Variants in KLHDC7B observed in about 807,000 individuals in gnomAD.
KLHDC7B encodes kelch domain containing 7B.
Under a neutral mutation model 0.6 loss-of-function variants are expected in KLHDC7B, and 1 was observed. That is an observed-to-expected ratio of 1.71 (90% CI 0.61 to 8.11). The LOEUF (loss-of-function observed/expected upper bound fraction) is 8.11. Among genes scored for constraint, KLHDC7B ranks in the 30% most tolerant of loss-of-function variants. The probability of loss-of-function intolerance (pLI) is 0.13; values close to 1 mark genes in which losing one functional copy is unlikely to be tolerated. For synonymous variants in KLHDC7B, 462 were observed against 405.2 expected (o/e 1.14, Z -1.68); for missense variants, 993 against 894.9 (o/e 1.11, Z -1.40).
Position 50,550,386 on chromosome 22 carries a change from G to A in KLHDC7B, c.*435G>A, listed in dbSNP as rs1026085999. ...GGGAGCAAAAACGTCCCCAGGCAAC[G>A]CCCTCGCCTCTGGGACTTTCTGCCT... On this transcript the variant is annotated 3_prime_UTR_variant, in exon 1 of 1. Coordinates refer to ENST00000648057, the MANE Select transcript of KLHDC7B (RefSeq NM_138433.5). The A allele has an allele frequency of 2.8e-5, 5 of 180,810 alleles. No homozygotes were observed. Among genetic ancestry groups the A allele is most frequent in the African/African-American group, 7.1e-5 (3 of 41,978 alleles). 11.2% of individuals were successfully genotyped at this position (180,810 alleles called of 1,614,324 possible). A position where few individuals can be genotyped will look rare whatever the true frequency, so the allele number is the denominator to read the frequency against.
Position 50,546,937 on chromosome 22 carries a change from C to G in KLHDC7B, c.694C>G (p.Arg232Gly), listed in dbSNP as rs1164761944. 1.3e-5 allele frequency among the ~76,000 whole-genome samples: 2 copies of G among 151,826 alleles called. No homozygotes were observed. Among genetic ancestry groups the G allele is most frequent in the African/African-American group, 4.8e-5 (2 of 41,370 alleles). The change falls in exon 1 of 1, where the codon CGG becomes GGG. Residue 232 changes from arginine to glycine, a missense_variant. Physicochemically the swap from Arg to Gly is moderately radical, Grantham distance 125 (BLOSUM62 -2). Coordinates refer to ENST00000648057, the MANE Select transcript of KLHDC7B (RefSeq NM_138433.5). The stretch of plus-strand genomic sequence containing the variant: ...GATGGGGAGAGGCCGGGGCCGGCGG[C>G]GGCGGATGGACGCTGGCTCGGGAGA... ...GSMGRGRGRRRRMDAGSGDRA... is the reference protein window; with the variant it reads ...GSMGRGRGRRGRMDAGSGDRA...
At position 50,547,420 on chromosome 22, in the gene KLHDC7B, C is replaced by A. The variant is rs926308530; in HGVS notation, c.1177C>A (p.Arg393=). 6.8e-5 allele frequency: 25 copies of A among 366,564 alleles called. No homozygotes were observed. The highest frequency in any genetic ancestry group is 4.0e-4 in the African/African-American group (19 of 47,140). 22.7% of individuals were successfully genotyped at this position (366,564 alleles called of 1,614,324 possible). ...TCCTGCCGCTGACCTGGGGCCCACC[C>A]GGCCCCCGGAGCAAGCAAAGCCGGC... ...NSPAADLGPT[R]PPEQAKPAAA... is the part of the protein sequence containing the mutation. The change falls in exon 1 of 1, where the codon CGG becomes AGG. Residue 393 remains arginine (R), a synonymous_variant. Transcript: ENST00000648057.
In KLHDC7B at chr22:50,548,211, A is replaced by G. The variant is rs1301338993; in HGVS notation, c.1968A>G (p.Gln656=). The change falls in exon 1 of 1, where the codon CAA becomes CAG. Residue 656 remains glutamine, a synonymous_variant. Coordinates refer to ENST00000648057, the MANE Select transcript of KLHDC7B (RefSeq NM_138433.5). This position sits in a 1 kb window ranked among gnomAD's most constrained non-coding sequence, Gnocchi z 5.3. ...SHPFPRQDRP[Q]GSVPRAVPGS... is the part of the protein sequence containing the mutation. The stretch of plus-strand genomic sequence containing the variant: ...CCTTCCCCAGGCAAGACAGGCCCCA[A>G]GGGAGTGTCCCGAGGGCGGTTCCCG... The G allele has an allele frequency of 8.4e-6, 13 of 1,547,606 alleles. No homozygotes were observed. The highest frequency in any genetic ancestry group is 2.5e-5 in the East Asian group (1 of 40,802).
Position 50,549,266 on chromosome 22 carries a change from C to A in KLHDC7B, c.3023C>A (p.Ala1008Asp). 1.2e-6 allele frequency: 2 copies of A among 1,611,248 alleles called. No homozygotes were observed. The highest frequency in any genetic ancestry group is 1.7e-6 in the Non-Finnish European group (2 of 1,179,964). ...FLAGGIRGSG[A>D]KAVCSNEVFC... ...GCGGGGGGCATCCGTGGCTCCGGTG[C>A]CAAGGCCGTCTGCTCCAACGAGGTC... Residue 1008 changes from alanine (A) to aspartate (D), a missense_variant, in exon 1 of 1, where the codon GCC becomes GAC. By Grantham distance (126) the Ala-to-Asp change is moderately radical. Transcript: ENST00000648057.
chr22:50,549,810 C>T lies in KLHDC7B; in HGVS notation c.3567C>T (p.Val1189=), dbSNP rs2069786916. The stretch of plus-strand genomic sequence containing the variant: ...CCATTTACTGCCTCAACCCCCAGGT[C>T]ACTGCCACCTTCACGGTCTCTGGGG... The part of the protein sequence containing the change: ...GNTIYCLNPQ[V]TATFTVSGGT... The change falls in exon 1 of 1, where the codon GTC becomes GTT. Residue 1189 remains valine (V), a synonymous_variant. Transcript: ENST00000648057. 1 of 1,594,298 alleles carries T rather than the reference C, an allele frequency of 6.3e-7. No homozygotes were observed. Among genetic ancestry groups the T allele is most frequent in the Non-Finnish European group, 8.5e-7 (1 of 1,171,686 alleles).
In KLHDC7B at chr22:50,546,393, C is replaced by T. The variant is rs1036799583; in HGVS notation, c.150C>T (p.His50=). 43 of 399,226 alleles carry T rather than the reference C, an allele frequency of 1.1e-4. 1 individual carries two copies. The Admixed American group carries it at 1.8e-3, about 16-fold the overall frequency. The allele number at this position is 399,226 out of a possible 1,614,324, so 24.7% of individuals were successfully genotyped here. ...CCTTACACTGGTTTGGCTCCGGGCA[C>T]GATCAAGAGGCGGCAGAACCGGTGT... is the stretch of plus-strand genomic sequence containing the variant. ...ALALHWFGSG[H]DQEAAEPVST... The change falls in exon 1 of 1, where the codon CAC becomes CAT. Residue 50 remains histidine (H), a synonymous_variant. Coordinates refer to ENST00000648057, the MANE Select transcript of KLHDC7B (RefSeq NM_138433.5).
rs767777285 is a variant in KLHDC7B at position 50,550,935 on chromosome 22, C to G, written c.*984C>G. 4.2e-5 allele frequency: 13 copies of G among 307,590 alleles called. No homozygotes were observed. The highest frequency in any genetic ancestry group is 6.6e-5 in the Non-Finnish European group (10 of 150,590). The allele number at this position is 307,590 out of a possible 1,614,324, so 19.1% of individuals were successfully genotyped here. On this transcript the variant is annotated 3_prime_UTR_variant, in exon 1 of 1. Coordinates refer to ENST00000648057, the MANE Select transcript of KLHDC7B (RefSeq NM_138433.5). ...GACTGTGCTCCACTCCAACCTCCAG[C>G]CTGGATGTCCCTGTCTGGGCCCTTT...
In KLHDC7B at chr22:50,548,955, G is replaced by T; in HGVS notation, c.2712G>T (p.Leu904=). The part of the protein sequence containing the change: ...VLGDPCLYRR[L]SAADRERILS... ...GAGACCCGTGCCTCTACCGCCGGCT[G>T]AGCGCGGCCGACCGCGAGCGCATCC... The change falls in exon 1 of 1, where the codon CTG becomes CTT. Residue 904 remains leucine, a synonymous_variant. Transcript: ENST00000648057. The surrounding 1 kb of genome is among the most constrained non-coding windows in gnomAD (Gnocchi z 5.3). The T allele has an allele frequency of 6.3e-7, 1 of 1,597,438 alleles. No homozygotes were observed.
rs200624798 is a variant in KLHDC7B, at chr22:50,549,984, C to T, written c.*33C>T. 4 of 1,492,528 alleles carry T rather than the reference C, an allele frequency of 2.7e-6. No individual in the cohort carries two copies. In the South Asian group the frequency reaches 4.0e-5, roughly 15 times the overall value. 92.5% of individuals were successfully genotyped at this position (1,492,528 alleles called of 1,614,324 possible). ...GCAGAGAACCAAAGCTGCTTCGCTG[C>T]TCTCCAGGGAGACCCTCCTGGGATG... On this transcript the variant is annotated 3_prime_UTR_variant, in exon 1 of 1. Transcript: ENST00000648057.
rs545285128 is a variant in KLHDC7B, at chr22:50,546,036, C to T, written c.-208C>T. Among the ~76,000 whole-genome samples the T allele has an allele frequency of 1.1e-4, 17 of 152,238 alleles. No individual in the cohort carries two copies. The highest frequency in any genetic ancestry group is 4.1e-4 in the African/African-American group (17 of 41,526). On this transcript the variant is annotated 5_prime_UTR_variant, in exon 1 of 1. Transcript: ENST00000648057. ...TGGGCTCCTATCCTGCCATAAGCCT[C>T]GCTGTCTCCTGATATCTGCAGCCAG... is the stretch of plus-strand genomic sequence containing the variant.
Position 50,547,938 on chromosome 22 carries a change from A to G in KLHDC7B, c.1695A>G (p.Pro565=). 6.6e-6 allele frequency: 1 copy of G among 151,954 alleles called. No homozygotes were observed. Among genetic ancestry groups the G allele is most frequent in the Non-Finnish European group, 1.1e-5 (1 of 88,052 alleles). 9.4% of individuals were successfully genotyped at this position (151,954 alleles called of 1,614,324 possible). ...CAGCTCCAACTCCAGCCCTAACCCC[A>G]GCCGCATCCCCAGCCCTAACCCCAG... ...LSPAPTPALT[P]AASPALTPVP... is the part of the protein sequence containing the mutation. The change falls in exon 1 of 1, where the codon CCA becomes CCG. Residue 565 remains proline (P), a synonymous_variant. Transcript: ENST00000648057.
chr22:50,548,406 AG>A lies in KLHDC7B; in HGVS notation c.242del (p.Gly81AlafsTer2), dbSNP rs764738500. 9.5e-5 allele frequency: 148 copies of A among 1,559,642 alleles called. No individual in the cohort carries two copies. The highest frequency in any genetic ancestry group is 1.3e-4 in the Non-Finnish European group (146 of 1,151,674). Reference sequence around the variant, plus strand: ...GATCGCCCAGCCCAGACCCTCCCCCAGGCCTAAGAGGAGAGGGAACCAGGGA... The same window carrying A: ...GATCGCCCAGCCCAGACCCTCCCCCAGCCTAAGAGGAGAGGGAACCAGGGA... On this transcript the variant is annotated frameshift_variant, in exon 1 of 1. Transcript: ENST00000395676. LOFTEE classifies it low-confidence loss of function (END_TRUNC). This position sits in a 1 kb window ranked among gnomAD's most constrained non-coding sequence, Gnocchi z 5.3.
rs1240982767 is a variant in KLHDC7B, at chr22:50,547,151, C to T, written c.908C>T (p.Thr303Met). The change falls in exon 1 of 1, where the codon ACG becomes ATG. Residue 303 changes from threonine (T) to methionine (M), a missense_variant. Thr to Met is a moderately conservative substitution (Grantham distance 81, BLOSUM62 -1). Coordinates refer to ENST00000648057, the MANE Select transcript of KLHDC7B (RefSeq NM_138433.5). ...APRALQPGSQ[T>M]EGSGAKGGWS... ...CGCGCCCTGCAGCCTGGGTCTCAGA[C>T]GGAAGGCTCTGGGGCCAAGGGTGGC... Among the ~76,000 whole-genome samples, 1 of 151,706 alleles carries T rather than the reference C, an allele frequency of 6.6e-6. No homozygotes were observed. Among genetic ancestry groups the T allele is most frequent in the Non-Finnish European group, 1.5e-5 (1 of 67,842 alleles).
Position 50,549,951 on chromosome 22 carries a change from A to T in KLHDC7B, c.3708A>T (p.Ter1236CysextTer54), listed in dbSNP as rs939253872. The change falls in exon 1 of 1, where the codon TGA becomes TGT. Residue 1236 changes from the stop codon to cysteine (C), a stop_lost. Coordinates refer to ENST00000648057, the MANE Select transcript of KLHDC7B (RefSeq NM_138433.5). The part of the protein sequence containing the change: ...PPEDRLQTSL[*>C] ...AGGACCGGCTGCAGACCTCACTCTG[A>T]GTGGCAGGCAGAGAACCAAAGCTGC... 3 of 1,541,228 alleles carry T rather than the reference A, an allele frequency of 1.9e-6. No individual in the cohort carries two copies. Among genetic ancestry groups the T allele is most frequent in the Non-Finnish European group, 2.6e-6 (3 of 1,137,394 alleles).
Position 50,548,833 on chromosome 22 carries a change from T to C in KLHDC7B, c.2590T>C (p.Cys864Arg). The C allele has an allele frequency of 6.5e-7, 1 of 1,535,198 alleles. No homozygotes were observed. The change falls in exon 1 of 1, where the codon TGC (cysteine) becomes CGC (arginine). Residue 864 changes from cysteine (C) to arginine (R), a missense_variant. By Grantham distance (180) the Cys-to-Arg change is radical. Transcript: ENST00000648057. The surrounding 1 kb of genome is among the most constrained non-coding windows in gnomAD (Gnocchi z 5.3). The part of the protein sequence containing the change: ...ALRRRLDLGS[C>R]LDVLAFAQQH... ...GCGGCGGCGGCTGGACCTGGGCAGT[T>C]GCCTGGACGTGCTGGCCTTTGCCCA...
rs1452262378 is a variant in KLHDC7B at position 50,550,685 on chromosome 22, A to C, written c.*734A>C. The stretch of plus-strand genomic sequence containing the variant: ...CTAAATGAGGCCTGAGCGTCACCCT[A>C]GTTCTGCCCCTTTTTAGCTGTGTAG... On this transcript the variant is annotated 3_prime_UTR_variant, in exon 1 of 1. Transcript: ENST00000648057. The C allele has an allele frequency of 6.0e-6, 1 of 166,350 alleles. No homozygotes were observed. Among genetic ancestry groups the C allele is most frequent in the African/African-American group, 2.4e-5 (1 of 41,388 alleles). The allele number at this position is 166,350 out of a possible 1,614,324, so 10.3% of individuals were successfully genotyped here.
rs772381870 is a variant in KLHDC7B, at chr22:50,548,931, A to G, written c.2688A>G (p.Gly896=). 13 of 1,597,532 alleles carry G rather than the reference A, an allele frequency of 8.1e-6. No homozygotes were observed. Among genetic ancestry groups the G allele is most frequent in the Non-Finnish European group, 1.1e-5 (13 of 1,173,506 alleles). ...LMSDNLLRVL[G]DPCLYRRLSA... ...GCGACAACCTGCTGCGAGTGCTGGGAGACCCGTGCCTCTACCGCCGGCTGA... is the reference window on the plus strand; with the variant it reads ...GCGACAACCTGCTGCGAGTGCTGGGGGACCCGTGCCTCTACCGCCGGCTGA... Residue 896 remains glycine (G), a synonymous_variant, in exon 1 of 1, where the codon GGA becomes GGG. Coordinates refer to ENST00000648057, the MANE Select transcript of KLHDC7B (RefSeq NM_138433.5). This position sits in a 1 kb window ranked among gnomAD's most constrained non-coding sequence, Gnocchi z 5.3.
Position 50,550,103 on chromosome 22 carries a change from G to T in KLHDC7B, c.*152G>T, listed in dbSNP as rs546482410. On this transcript the variant is annotated 3_prime_UTR_variant, in exon 1 of 1. Coordinates refer to ENST00000648057, the MANE Select transcript of KLHDC7B (RefSeq NM_138433.5). ...TTCCCCTTCTGCTTTAAAGGTTGTC[G>T]ATTATTTTGAAGCCCAGACTCCCTC... 3 of 814,954 alleles carry T rather than the reference G, an allele frequency of 3.7e-6. No individual in the cohort carries two copies. Among genetic ancestry groups the T allele is most frequent in the South Asian group, 2.2e-5 (1 of 45,064 alleles). The allele number at this position is 814,954 out of a possible 1,614,324, so 50.5% of individuals were successfully genotyped here. A position where few individuals can be genotyped will look rare whatever the true frequency, so the allele number is the denominator to read the frequency against.
At position 50,551,016 on chromosome 22, in the gene KLHDC7B, C is replaced by A; in HGVS notation, c.*1065C>A. 2.0e-6 allele frequency: 1 copy of A among 506,182 alleles called. No homozygotes were observed. The highest frequency in any genetic ancestry group is 3.3e-5 in the South Asian group (1 of 30,308). The allele number at this position is 506,182 out of a possible 1,614,324, so 31.4% of individuals were successfully genotyped here. On this transcript the variant is annotated 3_prime_UTR_variant, in exon 1 of 1. Transcript: ENST00000648057. Reference sequence around the variant, plus strand: ...TGGCACCAAATACATTTTAATTCACCGAAAGCACCTGCAGCTTGCACTTGT... The same window carrying A: ...TGGCACCAAATACATTTTAATTCACAGAAAGCACCTGCAGCTTGCACTTGT...
Sources: gnomAD v4.1 joint callset for allele counts (sites outside exome capture counted in the v4.1 genomes callset) on GRCh38, gnomAD v4.1.1 for gene constraint, Gnocchi (gnomAD v3.1) non-coding constraint, MANE v1.5 for transcripts, NCBI Gene and HGNC (gene_info 2026-07-23, HGNC 2026-07-21) for gene names.